The following XRN1 variants were observed in gnomAD, a reference collection of about 807,000 sequenced individuals.
The protein encoded by XRN1 is 5'-3' exoribonuclease 1, also known as strand-exchange protein 1 homolog.
XRN1 carries 67 observed loss-of-function variants against 222.3 expected under a neutral mutation model. That is an observed-to-expected ratio of 0.30 (90% CI 0.25 to 0.37). The LOEUF (loss-of-function observed/expected upper bound fraction) is 0.37, where lower values mean the gene tolerates loss of function less well. XRN1 is among the 10% of genes least tolerant of loss of function. XRN1 has a pLI of 1.00. For synonymous variants in XRN1, 643 were observed against 652.4 expected, an observed-to-expected ratio of 0.99 and a Z score of 0.22; for missense variants, 1,707 against 2,000.2, an observed-to-expected ratio of 0.85 and a Z score of 2.80.
At chr3:142,421,727 C>G (rs757560908) in intron 8 of XRN1, among the ~76,000 whole-genome samples, 184 bp from the exon 9 acceptor site, 2 of 152,158 alleles carry the variant, frequency 1.3e-5, no homozygotes, top group Non-Finnish European at 2.9e-5. Flanking sequence ...TAATATGCAA[C>G]ATGTAAGCAC....
Position 142,365,318 on chromosome 3 carries a change from G to A in XRN1, c.3253C>T (p.Leu1085=). Residue 1085 remains leucine, a synonymous_variant, in exon 28 of 41, where the codon CTA becomes TTA. Coordinates refer to ENST00000392981, the MANE Select transcript of XRN1 (RefSeq NM_001282857.2). Reference sequence around the variant, plus strand: ...TTTGATAGGAAACTTACTCTGTATAGCAAATGGGGTTTCACTGTTACTCGC... The same window carrying A: ...TTTGATAGGAAACTTACTCTGTATAACAAATGGGGTTTCACTGTTACTCGC... ...KVRVTVKPHL[L]YRPLEQQHGV... 2 of 1,590,070 alleles carry A rather than the reference G, an allele frequency of 1.3e-6. No homozygotes were observed. The highest frequency in any genetic ancestry group is 1.7e-6 in the Non-Finnish European group (2 of 1,168,368).
intron 33 of XRN1, among the ~76,000 whole-genome samples, chr3:142,342,020 T>A (rs9861997): frequency 0.64 from 96,715 of 152,084 alleles, 32,733 homozygotes; most frequent in African/African-American, 0.89. Context: ...AGCATTGTAC[T>A]GACTTTCCAG....
intron 22 of XRN1, among the ~76,000 whole-genome samples, chr3:142,382,029 T>A (rs2067321670): frequency 6.6e-6 from 1 of 152,260 alleles, no homozygotes; most frequent in African/African-American, 2.4e-5. Context: ...GCATAGGTGA[T>A]GTGTCCTCCA....
intron 29 of XRN1, among the ~76,000 whole-genome samples, chr3:142,361,426 G>C (rs1231057120): frequency 2.0e-5 from 3 of 152,112 alleles, no homozygotes; most frequent in Admixed American, 2.0e-4. Context: ...GGGATGGCTG[G>C]GCCCTATGCT....
intron 15 of XRN1, among the ~76,000 whole-genome samples, chr3:142,410,643 C>A (rs889498850): frequency 6.6e-6 from 1 of 151,746 alleles, no homozygotes; most frequent in Non-Finnish European, 1.5e-5. Flanking sequence ...TACAGGTGCC[C>A]ACCACCACGC....
At chr3:142,384,502 T>C in intron 21 of XRN1, 21 bp downstream of exon 21, 1 of 1,595,384 alleles carries the variant, frequency 6.3e-7, no homozygotes, top group Non-Finnish European at 8.5e-7. Flanking sequence ...AAGACAGAAT[T>C]GAAACTTGAT....
At chr3:142,312,886 T>C in intron 39 of XRN1, 128 bp from the exon 40 acceptor site, 1 of 998,504 alleles carries the variant, frequency 1.0e-6, no homozygotes, top group Non-Finnish European at 1.5e-6. Context: ...CTACACTTAC[T>C]TCACCTATAA....
chr3:142,332,360 AT>A lies in XRN1; in HGVS notation c.4222+14del. On this transcript the variant is annotated intron_variant, in intron 36 of 40. Transcript: ENST00000392981. ...TTAAAATGATATTATTGGTAATAGT[AT>A]TTAGTTTACTTACCTAATTTCTTAT... The A allele has an allele frequency of 6.5e-7, 1 of 1,544,284 alleles. No individual in the cohort carries two copies. The highest frequency in any genetic ancestry group is 8.9e-7 in the Non-Finnish European group (1 of 1,129,190).
chr3:142,368,099 TATAA>T (rs1387921939), intron 27 of XRN1, among the ~76,000 whole-genome samples: 6 of 150,526 alleles, frequency 4.0e-5, no homozygotes, highest in Non-Finnish European at 4.4e-5. Flanking sequence ...CATGTTTATA[TATAA>T]ATATGTATTT....
At chr3:142,328,302 T>C (rs2065576966) in intron 37 of XRN1, among the ~76,000 whole-genome samples, 1 of 152,176 alleles carries the variant, frequency 6.6e-6, no homozygotes. Context: ...AGTACTACTT[T>C]TGCCGTATCC....
intron 22 of XRN1, among the ~76,000 whole-genome samples, chr3:142,382,678 G>A (rs1315775080): frequency 3.3e-5 from 5 of 152,054 alleles, no homozygotes; most frequent in South Asian, 2.1e-4. Flanking sequence ...GAAATTAGAC[G>A]TCAAGATCTG....
intron 17 of XRN1, 44 bp downstream of exon 17, chr3:142,403,825 A>T: frequency 6.2e-7 from 1 of 1,611,338 alleles, no homozygotes; most frequent in South Asian, 1.1e-5. Flanking sequence ...TAATCACTTC[A>T]CACTTAATAA....
intron 32 of XRN1, among the ~76,000 whole-genome samples, chr3:142,349,009 G>T (rs781447116): frequency 6.6e-6 from 1 of 152,072 alleles, no homozygotes; most frequent in African/African-American, 2.4e-5. Flanking sequence ...CTGCAGTGCA[G>T]TGGGGTCATC....
chr3:142,375,974 GCACACA>G (rs66486380), intron 24 of XRN1, 30 bp from the exon 25 acceptor site: 165 of 1,447,792 alleles, frequency 1.1e-4, no homozygotes, highest in Middle Eastern at 7.6e-4. Flanking sequence ...GCGCACACGT[GCACACA>G]CACACACACA....
intron 3 of XRN1, 75 bp downstream of exon 3, chr3:142,426,669 A>G (rs2069264886): frequency 2.1e-6 from 3 of 1,413,370 alleles, no homozygotes; most frequent in Middle Eastern, 1.8e-4. Context: ...GAGCATAGAA[A>G]ATAAAATACA....
At chr3:142,356,816 G>A in intron 31 of XRN1, 96 bp downstream of exon 31, 2 of 1,322,440 alleles carry the variant, frequency 1.5e-6, no homozygotes, top group Non-Finnish European at 2.1e-6. Flanking sequence ...AATAAAAGAG[G>A]GAAACTAAGT....
At chr3:142,314,716 C>T (rs2065160224) in intron 39 of XRN1, among the ~76,000 whole-genome samples, 1 of 151,642 alleles carries the variant, frequency 6.6e-6, no homozygotes, top group South Asian at 2.1e-4. Context: ...CAAGCCTGAA[C>T]AACATGGTGA....
At chr3:142,404,058 C>T in intron 16 of XRN1, 69 bp from the exon 17 acceptor site, 2 of 1,320,072 alleles carry the variant, frequency 1.5e-6, no homozygotes, top group South Asian at 1.3e-5. Flanking sequence ...TTTTAACTTT[C>T]CCTTGTATAT....
intron 36 of XRN1, among the ~76,000 whole-genome samples, chr3:142,330,595 T>TG (rs201296381): frequency 3.1e-4 from 39 of 125,066 alleles, no homozygotes; most frequent in Non-Finnish European, 3.8e-4. Context: ...GCCTATGAGT[T>TG]TTTTTTTTTT....
Sources: allele counts gnomAD v4.1 joint callset (sites outside exome capture counted in the v4.1 genomes callset), GRCh38; gene constraint gnomAD v4.1.1; transcripts MANE v1.5; gene names NCBI Gene and HGNC (gene_info 2026-07-23, HGNC 2026-07-21).